The following MOXD1 variants were observed in gnomAD, a reference collection of about 807,000 sequenced individuals.
MOXD1 encodes the protein monooxygenase DBH like 1.
MOXD1 carries 62 observed loss-of-function variants against 66.6 expected under a neutral mutation model. The observed-to-expected ratio is 0.93, with a 90% CI of 0.76 to 1.15. MOXD1 has a LOEUF of 1.15. Among genes scored for constraint, MOXD1 ranks in the 50% most tolerant of loss-of-function variants. The probability of loss-of-function intolerance (pLI) is 0.00; values close to 1 mark genes in which losing one functional copy is unlikely to be tolerated. For missense variants in MOXD1, 847 were observed against 754.6 expected (o/e 1.12, Z -1.44); for synonymous variants, 303 against 281.9 (o/e 1.07, Z -0.75).
intron 4 of MOXD1, among the ~76,000 whole-genome samples, chr6:132,328,886 C>T (rs898579719): frequency 2.0e-5 from 3 of 152,072 alleles, no homozygotes; most frequent in African/African-American, 4.8e-5. Context: ...GTCCTTTGCC[C>T]ATTCTGCAGA....
chr6:132,323,954 A>T lies in MOXD1; in HGVS notation c.1090T>A (p.Cys364Ser). Residue 364 changes from cysteine (C) to serine (S), a missense_variant, in exon 7 of 12, where the codon TGC becomes AGC. Cys to Ser is a moderately radical substitution (Grantham distance 112). Coordinates refer to ENST00000367963, the MANE Select transcript of MOXD1 (RefSeq NM_015529.4). Reference sequence around the variant, plus strand: ...ACCTCTTCCAGGCACTCCAAAGTGCAGTGACCCTCAGACTGGAACTCAGGC... The same window carrying T: ...ACCTCTTCCAGGCACTCCAAAGTGCTGTGACCCTCAGACTGGAACTCAGGC... ...GMPEFQSEGH[C>S]TLECLEEALE... 6.2e-7 allele frequency: 1 copy of T among 1,612,380 alleles called. No homozygotes were observed. Among genetic ancestry groups the T allele is most frequent in the South Asian group, 1.1e-5 (1 of 90,656 alleles).
intron 1 of MOXD1, among the ~76,000 whole-genome samples, chr6:132,393,488 G>A (rs1034380257): frequency 6.6e-6 from 1 of 152,160 alleles, no homozygotes; most frequent in Non-Finnish European, 1.5e-5. Context: ...CTTAATGTGA[G>A]GAAAGGGTAA....
intron 4 of MOXD1, among the ~76,000 whole-genome samples, chr6:132,367,752 T>C (rs184714915): frequency 5.5e-4 from 84 of 152,184 alleles, no homozygotes; most frequent in Admixed American, 9.8e-4. Context: ...TGTAAGCAAT[T>C]CCATTAGGAG....
At chr6:132,337,315 T>C (rs1186988520) in intron 4 of MOXD1, among the ~76,000 whole-genome samples, 2 of 152,262 alleles carry the variant, frequency 1.3e-5, no homozygotes, top group African/African-American at 4.8e-5. Flanking sequence ...ATCATGCATG[T>C]GCTACCTGAA....
At chr6:132,323,273 A>G (rs1416207672) in intron 7 of MOXD1, among the ~76,000 whole-genome samples, 1 of 152,200 alleles carries the variant, frequency 6.6e-6, no homozygotes, top group African/African-American at 2.4e-5. Flanking sequence ...AATTAAATGA[A>G]TCGCCCATGG....
chr6:132,328,598 C>G lies in MOXD1; in HGVS notation c.664-4G>C, dbSNP rs779403199. 1 of 1,612,880 alleles carries G rather than the reference C, an allele frequency of 6.2e-7. No homozygotes were observed. The highest frequency in any genetic ancestry group is 8.5e-7 in the Non-Finnish European group (1 of 1,179,040). On this transcript the variant is annotated splice_region_variant and splice_polypyrimidine_tract_variant and intron_variant, in intron 4 of 11. Transcript: ENST00000367963. ...CTCTCTGTATCACTGGCTCAACCTA[C>G]ACGAACATAAATGAGAGGGAGGACA...
At chr6:132,389,338 A>T (rs540521481) in intron 1 of MOXD1, among the ~76,000 whole-genome samples, 3 of 151,658 alleles carry the variant, frequency 2.0e-5, no homozygotes, top group African/African-American at 7.2e-5. Context: ...GCCCTTGTTT[A>T]AAACATCAGA....
At chr6:132,377,705 C>G (rs1057227585) in intron 1 of MOXD1, among the ~76,000 whole-genome samples, 1 of 152,020 alleles carries the variant, frequency 6.6e-6, no homozygotes, top group Non-Finnish European at 1.5e-5. Context: ...TCTGAACTCC[C>G]GGAAAAAAGA....
intron 4 of MOXD1, among the ~76,000 whole-genome samples, chr6:132,337,813 C>A (rs1042644301): frequency 1.3e-5 from 2 of 152,102 alleles, no homozygotes; most frequent in Non-Finnish European, 2.9e-5. Context: ...TAGTAATTAT[C>A]AATTACTTGA....
At chr6:132,359,488 C>CTTTT in intron 4 of MOXD1, among the ~76,000 whole-genome samples, 1 of 129,542 alleles carries the variant, frequency 7.7e-6, no homozygotes, top group Non-Finnish European at 1.6e-5. Context: ...TTTTCTTTTT[C>CTTTT]TTTTTTTTTT....
chr6:132,327,245 A>G (rs182037217), intron 6 of MOXD1, among the ~76,000 whole-genome samples: 1 of 152,350 alleles, frequency 6.6e-6, no homozygotes, highest in Admixed American at 6.5e-5. Flanking sequence ...ACCAATTGGC[A>G]TACATATAAT....
At chr6:132,328,345 T>C in intron 5 of MOXD1, 70 bp downstream of exon 5, 2 of 1,564,716 alleles carry the variant, frequency 1.3e-6, no homozygotes. Context: ...TAAGTATTAA[T>C]TAGAATCATA....
At chr6:132,391,004 C>T (rs1160877088) in intron 1 of MOXD1, 3 of 151,324 alleles carry the variant, frequency 2.0e-5, no homozygotes, top group Non-Finnish European at 4.4e-5. Flanking sequence ...CTACAGTTTG[C>T]TTTCAGGAGA....
At chr6:132,344,833 C>T (rs935428490) in intron 4 of MOXD1, among the ~76,000 whole-genome samples, 1 of 152,182 alleles carries the variant, frequency 6.6e-6, no homozygotes, top group Non-Finnish European at 1.5e-5. Context: ...AAATAGGCTG[C>T]CCAACTCGTG....
chr6:132,329,013 G>C (rs751660299), intron 4 of MOXD1, among the ~76,000 whole-genome samples: 1 of 151,884 alleles, frequency 6.6e-6, no homozygotes, highest in Non-Finnish European at 1.5e-5. Context: ...TGTGCACAAC[G>C]TGGAGGTTTG....
intron 4 of MOXD1, among the ~76,000 whole-genome samples, chr6:132,341,284 T>C (rs562109808): frequency 6.6e-6 from 1 of 152,304 alleles, no homozygotes; most frequent in South Asian, 2.1e-4. Context: ...AGGTGCCATC[T>C]TGGAATCGGA....
chr6:132,355,436 C>G (rs1398688285), intron 4 of MOXD1, among the ~76,000 whole-genome samples: 1 of 152,188 alleles, frequency 6.6e-6, no homozygotes, highest in African/African-American at 2.4e-5. Context: ...GAGTCTATCA[C>G]CATTCTCCGG....
intron 4 of MOXD1, among the ~76,000 whole-genome samples, chr6:132,363,143 C>G (rs1776047446): frequency 6.6e-6 from 1 of 151,600 alleles, no homozygotes; most frequent in African/African-American, 2.4e-5. Context: ...CAAAAGTAGT[C>G]CAGCAGAATA....
intron 4 of MOXD1, among the ~76,000 whole-genome samples, chr6:132,349,414 T>TATATAC (rs1297313129): frequency 1.2e-5 from 1 of 85,646 alleles, no homozygotes; most frequent in East Asian, 3.0e-4. Flanking sequence ...TACATATATA[T>TATATAC]ATATATACAT....
Sources: allele counts gnomAD v4.1 joint callset (sites outside exome capture counted in the v4.1 genomes callset), GRCh38; gene constraint gnomAD v4.1.1; transcripts MANE v1.5; gene names NCBI Gene and HGNC (gene_info 2026-07-23, HGNC 2026-07-21).